The following PRKAG2 variants were observed in gnomAD, a reference collection of about 807,000 sequenced individuals.
PRKAG2 encodes the protein protein kinase AMP-activated non-catalytic subunit gamma 2.
Under a neutral mutation model 69.6 loss-of-function variants are expected in PRKAG2, and 26 were observed. The ratio of observed to expected loss-of-function variants is 0.37; its 90% CI spans 0.27 to 0.52. The LOEUF is 0.52. Among genes scored for constraint, PRKAG2 ranks in the 20% least tolerant of loss-of-function variants. The pLI, the probability that PRKAG2 is intolerant of heterozygous loss-of-function variation, is 0.90. For synonymous variants in PRKAG2, 293 were observed against 285.0 expected, an observed-to-expected ratio of 1.03 and a Z score of -0.28; for missense variants, 557 against 740.0, an observed-to-expected ratio of 0.75 and a Z score of 2.87.
intron 3 of PRKAG2, among the ~76,000 whole-genome samples, chr7:151,709,892 GA>G (rs1479684373): frequency 6.6e-6 from 1 of 152,132 alleles, no homozygotes; most frequent in African/African-American, 2.4e-5. Context: ...TGAGTGATGT[GA>G]CAGTGACAGT....
chr7:151,809,601 G>C (rs560762566), intron 1 of PRKAG2: 18 of 192,202 alleles, frequency 9.4e-5, no homozygotes, highest in Non-Finnish European at 1.1e-5. Flanking sequence ...AATGGTCACC[G>C]GGCTGCCTGA....
At chr7:151,714,464 CAT>C (rs1218107475) in intron 3 of PRKAG2, among the ~76,000 whole-genome samples, 6 of 137,720 alleles carry the variant, frequency 4.4e-5, no homozygotes, top group Non-Finnish European at 7.6e-5. Context: ...CTCCCATCCA[CAT>C]GCCGCCATCC....
chr7:151,779,423 C>A (rs1475233889), intron 3 of PRKAG2, among the ~76,000 whole-genome samples: 2 of 152,200 alleles, frequency 1.3e-5, no homozygotes, highest in Admixed American at 6.5e-5. Context: ...CCCTCTCCTC[C>A]CACCCCCATG....
chr7:151,729,735 G>C (rs994472987), intron 3 of PRKAG2, among the ~76,000 whole-genome samples: 2 of 151,930 alleles, frequency 1.3e-5, no homozygotes, highest in African/African-American at 4.8e-5. Flanking sequence ...CAGGCCTCTC[G>C]GAGTCCCTAG....
intron 6 of PRKAG2, among the ~76,000 whole-genome samples, chr7:151,580,163 A>T (rs1369072033): frequency 6.6e-6 from 1 of 152,108 alleles, no homozygotes; most frequent in Non-Finnish European, 1.5e-5. Flanking sequence ...GGCCAACGTG[A>T]TGAAAAAACC....
At chr7:151,610,140 C>T (rs534962007) in intron 5 of PRKAG2, among the ~76,000 whole-genome samples, 1 of 152,150 alleles carries the variant, frequency 6.6e-6, no homozygotes, top group African/African-American at 2.4e-5. Flanking sequence ...CCGAGGTGGG[C>T]GGAACACGAG....
intron 5 of PRKAG2, among the ~76,000 whole-genome samples, chr7:151,605,714 T>C (rs1395199597): frequency 6.6e-6 from 1 of 151,978 alleles, no homozygotes; most frequent in East Asian, 1.9e-4. Flanking sequence ...CCGAGGTGGG[T>C]GGATCACAAG....
intron 3 of PRKAG2, among the ~76,000 whole-genome samples, chr7:151,680,140 T>C (rs1563412267): frequency 6.6e-6 from 1 of 152,132 alleles, no homozygotes; most frequent in Non-Finnish European, 1.5e-5. Flanking sequence ...CTGTGGTGCC[T>C]ATCTAGGCAC....
chr7:151,785,212 A>G (rs1461120977), intron 2 of PRKAG2, among the ~76,000 whole-genome samples: 1 of 152,226 alleles, frequency 6.6e-6, no homozygotes, highest in Non-Finnish European at 1.5e-5. Context: ...GCCAGAGAGG[A>G]AGCTGGGGCC....
intron 1 of PRKAG2, among the ~76,000 whole-genome samples, chr7:151,846,262 G>C (rs60104951): frequency 0.011 from 1,741 of 152,276 alleles, 26 homozygotes; most frequent in African/African-American, 0.04. Context: ...GAGGTCAGGA[G>C]TTCGAGACCA....
At chr7:151,803,414 G>C (rs543856943) in intron 1 of PRKAG2, among the ~76,000 whole-genome samples, 1 of 152,268 alleles carries the variant, frequency 6.6e-6, no homozygotes, top group Non-Finnish European at 1.5e-5. Context: ...TTCAAAGGGA[G>C]GCTTGTTACA....
chr7:151,691,800 C>T (rs752121367), intron 3 of PRKAG2, among the ~76,000 whole-genome samples: 24 of 152,176 alleles, frequency 1.6e-4, no homozygotes, highest in African/African-American at 2.4e-4. Flanking sequence ...TACAACCTAG[C>T]GATGCCACTC....
chr7:151,606,436 A>G (rs764608872), intron 5 of PRKAG2, among the ~76,000 whole-genome samples: 4 of 152,244 alleles, frequency 2.6e-5, no homozygotes, highest in Admixed American at 1.3e-4. Context: ...AAATTGAAAC[A>G]GAGTGAAAAT....
intron 3 of PRKAG2, among the ~76,000 whole-genome samples, chr7:151,722,314 C>G (rs1207270239): frequency 2.0e-5 from 3 of 152,162 alleles, no homozygotes; most frequent in Admixed American, 1.3e-4. Flanking sequence ...TAGTTCGTTA[C>G]CTGCTTGACA....
At chr7:151,770,724 T>C (rs1161852162) in intron 3 of PRKAG2, among the ~76,000 whole-genome samples, 1 of 152,194 alleles carries the variant, frequency 6.6e-6, no homozygotes, top group Non-Finnish European at 1.5e-5. Flanking sequence ...AAATAGCACA[T>C]GTATTGAAAA....
In PRKAG2 at chr7:151,607,007, T is replaced by C. The variant is rs111484471; in HGVS notation, c.755-11553A>G. Among the ~76,000 whole-genome samples, 557 of 152,322 alleles carry C rather than the reference T, an allele frequency of 3.7e-3. 3 individuals are homozygous for C. Among genetic ancestry groups the C allele is most frequent in the Non-Finnish European group, 5.5e-3 (375 of 68,026 alleles). ...CACACTGGGACTTGAGTTACTGCTC[T>C]ACAAAAGGAAGAAACCTGTTTGCAG... On this transcript the variant is annotated intron_variant, in intron 5 of 15. Transcript: ENST00000287878.
chr7:151,763,005 G>A (rs540727665), intron 3 of PRKAG2, among the ~76,000 whole-genome samples: 65 of 152,302 alleles, frequency 4.3e-4, no homozygotes, highest in African/African-American at 1.5e-3. Flanking sequence ...GATGGGCAGG[G>A]CTCCCGAGTC....
At chr7:151,578,581 G>A (rs1211337498) in intron 6 of PRKAG2, among the ~76,000 whole-genome samples, 2 of 152,108 alleles carry the variant, frequency 1.3e-5, no homozygotes, top group Non-Finnish European at 2.9e-5. Context: ...ATTATTTCAC[G>A]CATTTATTTT....
intron 15 of PRKAG2, chr7:151,557,836 C>A: frequency 1.2e-6 from 1 of 861,730 alleles, no homozygotes; most frequent in Non-Finnish European, 1.4e-6. Context: ...CATGCCATTG[C>A]ACTCCAGCCT....
Sources: gnomAD v4.1 joint callset for allele counts (sites outside exome capture counted in the v4.1 genomes callset) on GRCh38, gnomAD v4.1.1 for gene constraint, MANE v1.5 for transcripts, NCBI Gene and HGNC (gene_info 2026-07-23, HGNC 2026-07-21) for gene names.